Variants in GSE1 observed in about 807,000 individuals in gnomAD.
GSE1 encodes Gse1 coiled-coil protein, also known as genetic suppressor element 1.
GSE1 carries 32 observed loss-of-function variants against 112.6 expected under a neutral mutation model. The observed-to-expected ratio is 0.28, with a 90% CI of 0.21 to 0.38. The LOEUF (loss-of-function observed/expected upper bound fraction) is 0.38, where lower values mean the gene tolerates loss of function less well. Ranked by LOEUF, GSE1 falls within the 10% of genes least tolerant of loss-of-function variation. The pLI is 1.00. For synonymous variants in GSE1, 1,115 were observed against 735.6 expected (o/e 1.52, Z -8.35); for missense variants, 2,348 against 1,699.2 (o/e 1.38, Z -6.71).
intron 1 of GSE1, among the ~76,000 whole-genome samples, chr16:85,204,153 C>T (rs528954608): frequency 8.5e-5 from 13 of 152,324 alleles, no homozygotes; most frequent in African/African-American, 3.1e-4. Context: ...CAGTCTCCAG[C>T]GATTGTGAAT....
intron 2 of GSE1, among the ~76,000 whole-genome samples, chr16:85,646,898 G>T (rs115959007): frequency 0.03 from 4,552 of 152,064 alleles, 234 homozygotes; most frequent in African/African-American, 0.1. Flanking sequence ...AACAAGGGGG[G>T]GGGTGGGGGC....
At chr16:85,660,891 A>C (rs762736062) in intron 8 of GSE1, among the ~76,000 whole-genome samples, 2 of 152,062 alleles carry the variant, frequency 1.3e-5, no homozygotes, top group Non-Finnish European at 2.9e-5. Context: ...CGGCCTCCCA[A>C]AGTGCTGGGA....
chr16:85,187,259 G>C (rs1017177683), intron 1 of GSE1, among the ~76,000 whole-genome samples: 1 of 152,234 alleles, frequency 6.6e-6, no homozygotes, highest in African/African-American at 2.4e-5. Flanking sequence ...AATCAGGCCA[G>C]TGGAATGCAG....
chr16:85,661,616 G>T lies in GSE1; in HGVS notation c.2111G>T (p.Gly704Val). Residue 704 changes from glycine to valine, a missense_variant, in exon 9 of 16, where the codon GGA becomes GTA. By Grantham distance (109) the Gly-to-Val change is moderately radical (BLOSUM62 -3). Transcript: ENST00000253458. ...PQAATFGELS[G>V]PLKPGSPYRP... ...GCGGCCACCTTCGGGGAGCTCAGCG[G>T]ACCCCTGAAGCCTGGCTCGCCCTAC... The T allele has an allele frequency of 1.2e-6, 2 of 1,611,062 alleles. No homozygotes were observed. The highest frequency in any genetic ancestry group is 1.7e-6 in the Non-Finnish European group (2 of 1,179,372).
intron 1 of GSE1, among the ~76,000 whole-genome samples, chr16:85,622,169 G>A (rs1369099014): frequency 2.6e-5 from 4 of 152,190 alleles, no homozygotes. Context: ...GGCTGGGTTG[G>A]ATGAGGGAGT....
chr16:85,485,866 C>T (rs565807505), intron 2 of GSE1, among the ~76,000 whole-genome samples: 8 of 152,274 alleles, frequency 5.3e-5, no homozygotes, highest in South Asian at 4.1e-4. Flanking sequence ...GCTGCTGCTC[C>T]GGGAAACACC....
intron 1 of GSE1, among the ~76,000 whole-genome samples, chr16:85,577,437 C>G (rs562937842): frequency 6.6e-6 from 1 of 152,218 alleles, no homozygotes; most frequent in African/African-American, 2.4e-5. Flanking sequence ...GACCCCACCA[C>G]CCCACCCAGC....
At chr16:85,341,523 TG>T (rs1339954527) in intron 1 of GSE1, among the ~76,000 whole-genome samples, 9 of 152,104 alleles carry the variant, frequency 5.9e-5, no homozygotes, top group African/African-American at 2.2e-4. Context: ...CTGGGCTTGG[TG>T]GCAGGCACCT....
intron 2 of GSE1, among the ~76,000 whole-genome samples, chr16:85,488,335 A>G (rs897152776): frequency 6.6e-6 from 1 of 152,120 alleles, no homozygotes; most frequent in Non-Finnish European, 1.5e-5. Context: ...TGTGCTTAGG[A>G]GTATGCTCAG....
chr16:85,584,210 G>A (rs1400160251), intron 1 of GSE1, among the ~76,000 whole-genome samples: 1 of 152,078 alleles, frequency 6.6e-6, no homozygotes, highest in Non-Finnish European at 1.5e-5. Context: ...TGTTCCCCAA[G>A]ATGCCAGGCT....
intron 3 of GSE1, among the ~76,000 whole-genome samples, chr16:85,653,079 G>A (rs541224985): frequency 1.7e-4 from 25 of 150,322 alleles, no homozygotes; most frequent in African/African-American, 6.1e-4. Context: ...ACATGGGGAA[G>A]ATGCTGGGGC....
intron 1 of GSE1, among the ~76,000 whole-genome samples, chr16:85,346,386 TGATG>T (rs2046737880): frequency 7.4e-6 from 1 of 135,846 alleles, no homozygotes; most frequent in African/African-American, 2.8e-5. Flanking sequence ...GGTGGGTGGA[TGATG>T]GATGGATGGA....
intron 1 of GSE1, among the ~76,000 whole-genome samples, chr16:85,265,195 A>C (rs901143784): frequency 6.6e-6 from 1 of 152,198 alleles, no homozygotes; most frequent in Non-Finnish European, 1.5e-5. Context: ...AATTAGAATG[A>C]GGGCCTGCGG....
intron 2 of GSE1, among the ~76,000 whole-genome samples, chr16:85,538,641 C>T (rs1241398064): frequency 6.6e-6 from 1 of 152,144 alleles, no homozygotes; most frequent in Non-Finnish European, 1.5e-5. Flanking sequence ...GACTTGCCAC[C>T]TTCGGAGGCC....
chr16:85,364,129 T>C (rs561455464), intron 2 of GSE1, among the ~76,000 whole-genome samples: 1 of 152,334 alleles, frequency 6.6e-6, no homozygotes, highest in East Asian at 1.9e-4. Flanking sequence ...TTCTGGGGGC[T>C]CCAGGGGAGA....
intron 2 of GSE1, among the ~76,000 whole-genome samples, chr16:85,634,435 G>C (rs2049816340): frequency 6.6e-6 from 1 of 152,220 alleles, no homozygotes; most frequent in Non-Finnish European, 1.5e-5. Context: ...TGATTGGGAG[G>C]AGGGTGGGTG....
At chr16:85,422,598 G>A (rs1238762239) in intron 2 of GSE1, among the ~76,000 whole-genome samples, 4 of 149,788 alleles carry the variant, frequency 2.7e-5, no homozygotes, top group Non-Finnish European at 5.9e-5. Context: ...AAAAAAAAAA[G>A]CAGACAGTAG....
chr16:85,554,777 G>T (rs1486838088), upstream of GSE1: 3 of 635,816 alleles, frequency 4.7e-6, no homozygotes, highest in South Asian at 6.9e-5. Flanking sequence ...GTCAGTCGTG[G>T]GGGGGGAGGG....
intron 1 of GSE1, among the ~76,000 whole-genome samples, chr16:85,303,897 G>A (rs933493969): frequency 2.6e-5 from 4 of 152,240 alleles, no homozygotes; most frequent in African/African-American, 9.6e-5. Flanking sequence ...GTTGTCCCGG[G>A]GACGCCCCGG....
Sources: gnomAD v4.1 joint callset for allele counts (sites outside exome capture counted in the v4.1 genomes callset) on GRCh38, gnomAD v4.1.1 for gene constraint, MANE v1.5 for transcripts, NCBI Gene and HGNC (gene_info 2026-07-23, HGNC 2026-07-21) for gene names.